SNX29: variants seen among roughly 807,000 people sequenced by gnomAD.
SNX29 encodes sorting nexin 29, also known as sorting nexin-29.
Under a neutral mutation model 102.1 loss-of-function variants are expected in SNX29, and 78 were observed. That is an observed-to-expected ratio of 0.76 (90% CI 0.64 to 0.92). The LOEUF is 0.92. Among genes scored for constraint, SNX29 ranks in the 40% least tolerant of loss-of-function variants. The pLI, the probability that SNX29 is intolerant of heterozygous loss-of-function variation, is 0.00. For missense variants in SNX29, 1,280 were observed against 1,061.7 expected (o/e 1.21, Z -2.86); for synonymous variants, 580 against 414.5 (o/e 1.40, Z -4.85).
chr16:12,186,925 T>A (rs1302799458), intron 13 of SNX29, among the ~76,000 whole-genome samples: 2 of 152,128 alleles, frequency 1.3e-5, no homozygotes, highest in Non-Finnish European at 2.9e-5. Context: ...TGCCAAGAGG[T>A]CAAAGTCAAG....
rs1408539310 is a variant in SNX29 at position 12,504,859 on chromosome 16, G to A, written c.2179-19843G>A. 4.6e-5 allele frequency among the ~76,000 whole-genome samples: 7 copies of A among 152,268 alleles called. No individual in the cohort carries two copies. In the East Asian group the frequency reaches 5.8e-4, roughly 13 times the overall value. ...CTTGGAATGTATCCTGTGGATAAGC[G>A]GGACCACTGTACTTCATTCCTTTTT... On this transcript the variant is annotated intron_variant, in intron 19 of 20. Transcript: ENST00000566228.
intron 14 of SNX29, among the ~76,000 whole-genome samples, chr16:12,230,287 G>A (rs962107685): frequency 7.9e-5 from 12 of 152,190 alleles, no homozygotes; most frequent in East Asian, 5.8e-4. Context: ...CTGACTTCCC[G>A]TTTGGGCAAA....
At chr16:12,009,610 A>T (rs944679746) in intron 3 of SNX29, among the ~76,000 whole-genome samples, 2 of 151,960 alleles carry the variant, frequency 1.3e-5, no homozygotes. Flanking sequence ...CTTCAGATGG[A>T]GTCCTGAGAA....
intron 11 of SNX29, among the ~76,000 whole-genome samples, chr16:12,079,632 G>C (rs1024159043): frequency 6.6e-6 from 1 of 152,176 alleles, no homozygotes; most frequent in African/African-American, 2.4e-5. Context: ...CCAACAGTTG[G>C]TTTATTTTTT....
Position 12,317,685 on chromosome 16 carries a change from T to C in SNX29, c.1783-38478T>C, listed in dbSNP as rs116414204. Among the ~76,000 whole-genome samples, 762 of 152,348 alleles carry C rather than the reference T, an allele frequency of 5.0e-3. 9 individuals are homozygous for C. Among genetic ancestry groups the C allele is most frequent in the African/African-American group, 0.017 (721 of 41,588 alleles). ...CTTCACAGGGACTAAGTGTGTCTTA[T>C]GCACCGTCTTGTGCCTAGTGGCCAG... On this transcript the variant is annotated intron_variant, in intron 15 of 20. Coordinates refer to ENST00000566228, the MANE Select transcript of SNX29 (RefSeq NM_032167.5).
chr16:12,522,812 G>A (rs2090149983), intron 19 of SNX29, among the ~76,000 whole-genome samples: 1 of 152,134 alleles, frequency 6.6e-6, no homozygotes, highest in South Asian at 2.1e-4. Flanking sequence ...CCTTATAGCA[G>A]TGTGAGAATG....
At position 12,545,975 on chromosome 16, in the gene SNX29, T is replaced by G. The variant is rs528835326; in HGVS notation, c.2318+21134T>G. Among the ~76,000 whole-genome samples the G allele has an allele frequency of 3.9e-5, 6 of 152,264 alleles. No homozygotes were observed. The South Asian group carries it at 1.2e-3, about 32-fold the overall frequency. ...ACTAAGGGCAGGATGTGTGCTTCAGTGGGCACTGTAGTTTGAACACCTGGA... is the reference window on the plus strand; with the variant it reads ...ACTAAGGGCAGGATGTGTGCTTCAGGGGGCACTGTAGTTTGAACACCTGGA... On this transcript the variant is annotated intron_variant, in intron 20 of 20. Coordinates refer to ENST00000566228, the MANE Select transcript of SNX29 (RefSeq NM_032167.5).
intron 16 of SNX29, among the ~76,000 whole-genome samples, chr16:12,388,132 C>A (rs952636767): frequency 6.6e-6 from 1 of 152,212 alleles, no homozygotes; most frequent in African/African-American, 2.4e-5. Flanking sequence ...TTTAGGGCTT[C>A]CTTCTTTCGG....
chr16:12,551,677 A>T (rs1386750569), intron 20 of SNX29, among the ~76,000 whole-genome samples: 2 of 152,184 alleles, frequency 1.3e-5, no homozygotes, highest in Non-Finnish European at 2.9e-5. Context: ...GTGCAGTAGG[A>T]TAAAAGTACC....
chr16:12,199,721 GC>G, intron 14 of SNX29, 38 bp downstream of exon 14: 2 of 1,578,120 alleles, frequency 1.3e-6, no homozygotes, highest in Middle Eastern at 1.7e-4. Context: ...GAGGGGCCGG[GC>G]TTTTCCATTA....
At chr16:12,513,293 T>G (rs1023800812) in intron 19 of SNX29, among the ~76,000 whole-genome samples, 4 of 144,098 alleles carry the variant, frequency 2.8e-5, no homozygotes, top group African/African-American at 1.0e-4. Context: ...CCAGCCCTCC[T>G]GCCTTGCCCT....
At chr16:12,283,771 A>T (rs1460720876) in intron 15 of SNX29, among the ~76,000 whole-genome samples, 2 of 152,204 alleles carry the variant, frequency 1.3e-5, no homozygotes, top group African/African-American at 2.4e-5. Context: ...GCCTGTTCTA[A>T]TTGTCAGGAC....
intron 20 of SNX29, among the ~76,000 whole-genome samples, chr16:12,551,997 G>A (rs997098790): frequency 5.9e-5 from 9 of 152,198 alleles, no homozygotes; most frequent in African/African-American, 1.7e-4. Flanking sequence ...AGTAGCTCCT[G>A]CTGGTCCCTG....
chr16:12,504,578 C>T (rs949377764), intron 19 of SNX29, among the ~76,000 whole-genome samples: 3 of 152,188 alleles, frequency 2.0e-5, no homozygotes, highest in African/African-American at 7.2e-5. Context: ...GCAGTAACCC[C>T]CCTTATCCAA....
intron 14 of SNX29, among the ~76,000 whole-genome samples, chr16:12,204,256 A>G (rs1473020550): frequency 6.6e-6 from 1 of 152,156 alleles, no homozygotes; most frequent in Non-Finnish European, 1.5e-5. Context: ...AGGGGCAGTC[A>G]TTCCGCCAGC....
At chr16:12,412,576 G>A (rs1377252428) in intron 18 of SNX29, among the ~76,000 whole-genome samples, 2 of 152,348 alleles carry the variant, frequency 1.3e-5, no homozygotes, top group Non-Finnish European at 2.9e-5. Flanking sequence ...GTCTGTTAAG[G>A]TGGAGACCTT....
At chr16:12,408,276 C>G (rs2084256968) in intron 18 of SNX29, among the ~76,000 whole-genome samples, 2 of 152,236 alleles carry the variant, frequency 1.3e-5, no homozygotes, top group Non-Finnish European at 2.9e-5. Flanking sequence ...CACCTACACC[C>G]CTGAGATGGT....
At chr16:12,248,158 CT>C (rs1389169423) in intron 14 of SNX29, among the ~76,000 whole-genome samples, 2 of 152,214 alleles carry the variant, frequency 1.3e-5, no homozygotes, top group African/African-American at 4.8e-5. Context: ...GTTGGGCCCT[CT>C]GAGGGAACCC....
At chr16:12,522,688 T>C (rs568857811) in intron 19 of SNX29, among the ~76,000 whole-genome samples, 6 of 152,284 alleles carry the variant, frequency 3.9e-5, no homozygotes, top group African/African-American at 1.4e-4. Flanking sequence ...CCCTTTGCCT[T>C]CCACCATGAT....
Sources: allele counts gnomAD v4.1 joint callset (sites outside exome capture counted in the v4.1 genomes callset), GRCh38; gene constraint gnomAD v4.1.1; transcripts MANE v1.5; gene names NCBI Gene and HGNC (gene_info 2026-07-23, HGNC 2026-07-21).